CATSPERB: variants seen among roughly 807,000 people sequenced by gnomAD.
The protein encoded by CATSPERB is cation channel sperm-associated auxiliary subunit beta.
CATSPERB carries 93 observed loss-of-function variants against 128.3 expected under a neutral mutation model. The observed-to-expected ratio is 0.72, with a 90% confidence interval of 0.61 to 0.86. The LOEUF (loss-of-function observed/expected upper bound fraction) is 0.86, where lower values mean the gene tolerates loss of function less well. CATSPERB is among the 40% of genes least tolerant of loss of function. The pLI is 0.00. For synonymous variants in CATSPERB, 381 were observed against 448.8 expected, an observed-to-expected ratio of 0.85 and a Z score of 1.91; for missense variants, 1,153 against 1,329.5, an observed-to-expected ratio of 0.87 and a Z score of 2.06.
Position 91,609,809 on chromosome 14 carries a change from G to A in CATSPERB, c.2598+671C>T, listed in dbSNP as rs1051610910. Among the ~76,000 whole-genome samples the A allele has an allele frequency of 3.9e-5, 6 of 152,164 alleles. No homozygotes were observed. In the East Asian group the frequency reaches 9.6e-4, roughly 24 times the overall value. On this transcript the variant is annotated intron_variant, in intron 21 of 26. Coordinates refer to ENST00000256343, the MANE Select transcript of CATSPERB (RefSeq NM_024764.4). ...GCTGGAGTGCAGTGGCACCATCTCC[G>A]CTCACTGCAACCCCTGCCTCCCAGG...
At chr14:91,731,169 C>T (rs1044449827) in intron 1 of CATSPERB, among the ~76,000 whole-genome samples, 4 of 152,092 alleles carry the variant, frequency 2.6e-5, no homozygotes, top group African/African-American at 4.8e-5. Flanking sequence ...TGTGCAAACT[C>T]GAGAGAGTTA....
At position 91,613,784 on chromosome 14, in the gene CATSPERB, C is replaced by T. The variant is rs771544206; in HGVS notation, c.2401-3107G>A. Among the ~76,000 whole-genome samples, 14 of 152,268 alleles carry T rather than the reference C, an allele frequency of 9.2e-5. No homozygotes were observed. In the East Asian group the frequency reaches 2.3e-3, roughly 25 times the overall value. On this transcript the variant is annotated intron_variant, in intron 20 of 26. Coordinates refer to ENST00000256343, the MANE Select transcript of CATSPERB (RefSeq NM_024764.4). ...CAAGCACCGCACTCCTCCAAAATCT[C>T]GCCCTAGAGTAGCCTTTTGCTCATT...
intron 15 of CATSPERB, among the ~76,000 whole-genome samples, chr14:91,652,589 T>A (rs918681919): frequency 1.4e-5 from 2 of 140,194 alleles, no homozygotes; most frequent in African/African-American, 2.7e-5. Context: ...GAGAATCGCT[T>A]GAACCCGGGA....
At chr14:91,696,459 T>C (rs945983936) in intron 7 of CATSPERB, among the ~76,000 whole-genome samples, 2 of 152,176 alleles carry the variant, frequency 1.3e-5, no homozygotes, top group African/African-American at 4.8e-5. Context: ...ATATGGAAAC[T>C]GTGAGTGGCC....
chr14:91,590,812 G>A (rs562047875), intron 23 of CATSPERB, among the ~76,000 whole-genome samples: 34 of 151,648 alleles, frequency 2.2e-4, no homozygotes, highest in East Asian at 1.4e-3. Context: ...CACCACGCCC[G>A]GCTAATTTTT....
chr14:91,630,287 C>T (rs1894251232), intron 17 of CATSPERB, among the ~76,000 whole-genome samples: 1 of 152,302 alleles, frequency 6.6e-6, no homozygotes, highest in African/African-American at 2.4e-5. Flanking sequence ...CCCAGGCTCT[C>T]TTCCTGGAGC....
chr14:91,665,470 A>T (rs1285808934), intron 14 of CATSPERB, among the ~76,000 whole-genome samples: 1 of 152,212 alleles, frequency 6.6e-6, no homozygotes, highest in Non-Finnish European at 1.5e-5. Flanking sequence ...TATTTAGATG[A>T]TCGCCTGTTA....
chr14:91,716,012 A>C (rs1895931318), intron 5 of CATSPERB, among the ~76,000 whole-genome samples: 1 of 152,224 alleles, frequency 6.6e-6, no homozygotes, highest in Non-Finnish European at 1.5e-5. Flanking sequence ...TTGTGAACTT[A>C]GGCAAAGATT....
At chr14:91,581,503 G>C (rs1893206975) in intron 26 of CATSPERB, among the ~76,000 whole-genome samples, 1 of 152,206 alleles carries the variant, frequency 6.6e-6, no homozygotes, top group Non-Finnish European at 1.5e-5. Flanking sequence ...CGAATAAGTA[G>C]GTTCACAGAA....
At chr14:91,706,156 T>C (rs1361154935) in intron 6 of CATSPERB, among the ~76,000 whole-genome samples, 2 of 152,222 alleles carry the variant, frequency 1.3e-5, no homozygotes, top group African/African-American at 2.4e-5. Flanking sequence ...TGATATTTTT[T>C]TCACTTTGTG....
intron 6 of CATSPERB, among the ~76,000 whole-genome samples, chr14:91,706,110 T>G (rs1204768471): frequency 6.6e-6 from 1 of 152,162 alleles, no homozygotes; most frequent in Non-Finnish European, 1.5e-5. Context: ...CTCCCCAACT[T>G]TCAATAAAAT....
At chr14:91,617,571 T>C in intron 20 of CATSPERB, 26 bp downstream of exon 20, 1 of 1,553,686 alleles carries the variant, frequency 6.4e-7, no homozygotes, top group Admixed American at 2.3e-5. Flanking sequence ...CAGTAAGAAA[T>C]GTTTTGTAAA....
chr14:91,633,744 C>G (rs1487363930), intron 17 of CATSPERB, among the ~76,000 whole-genome samples: 1 of 151,678 alleles, frequency 6.6e-6, no homozygotes, highest in Non-Finnish European at 1.5e-5. Flanking sequence ...AACCCAAACT[C>G]TAAATCTCTT....
chr14:91,700,719 A>T (rs761006015), intron 7 of CATSPERB, among the ~76,000 whole-genome samples: 2 of 152,188 alleles, frequency 1.3e-5, no homozygotes, highest in Non-Finnish European at 1.5e-5. Context: ...GTGAATTAAC[A>T]CAGGCAACAG....
chr14:91,696,924 T>G (rs1166512906), intron 7 of CATSPERB, among the ~76,000 whole-genome samples: 1 of 152,182 alleles, frequency 6.6e-6, no homozygotes, highest in Non-Finnish European at 1.5e-5. Flanking sequence ...ACAGTGGGGT[T>G]TCTATAATCA....
At chr14:91,723,726 GA>G (rs1464051515) in intron 3 of CATSPERB, among the ~76,000 whole-genome samples, 1 of 152,104 alleles carries the variant, frequency 6.6e-6, no homozygotes, top group Non-Finnish European at 1.5e-5. Context: ...AAAAAATGGG[GA>G]AATACATTCA....
At chr14:91,716,329 G>A (rs913854731) in intron 5 of CATSPERB, among the ~76,000 whole-genome samples, 6 of 152,308 alleles carry the variant, frequency 3.9e-5, no homozygotes, top group Non-Finnish European at 5.9e-5. Context: ...GGTGGCTCAC[G>A]CCTGTAATCC....
intron 15 of CATSPERB, 136 bp downstream of exon 15, chr14:91,659,701 C>T: frequency 2.6e-6 from 2 of 758,886 alleles, no homozygotes; most frequent in Non-Finnish European, 4.1e-6. Flanking sequence ...GATCCTACTT[C>T]TGTAGATCCT....
At chr14:91,684,034 T>C in intron 10 of CATSPERB, 91 bp from the exon 11 acceptor site, 2 of 847,750 alleles carry the variant, frequency 2.4e-6, no homozygotes, top group Non-Finnish European at 3.6e-6. Context: ...ATTTCAAAGT[T>C]TGATAGTTCA....
Sources: gnomAD v4.1 joint callset for allele counts (sites outside exome capture counted in the v4.1 genomes callset) on GRCh38, gnomAD v4.1.1 for gene constraint, MANE v1.5 for transcripts, NCBI Gene and HGNC (gene_info 2026-07-23, HGNC 2026-07-21) for gene names.